SLC15A1: variants seen among roughly 807,000 people sequenced by gnomAD.
The protein encoded by SLC15A1 is Caco-2 oligopeptide transporter.
Under a neutral mutation model 92.9 loss-of-function variants are expected in SLC15A1, and 83 were observed. The observed-to-expected ratio is 0.89, with a 90% confidence interval of 0.75 to 1.07. SLC15A1 has a LOEUF of 1.07. Ranked by LOEUF, SLC15A1 falls within the 50% of genes least tolerant of loss-of-function variation. The pLI, the probability that SLC15A1 is intolerant of heterozygous loss-of-function variation, is 0.00. For missense variants in SLC15A1, 857 were observed against 880.1 expected, an observed-to-expected ratio of 0.97 and a Z score of 0.33; for synonymous variants, 322 against 318.2, an observed-to-expected ratio of 1.01 and a Z score of -0.13.
intron 1 of SLC15A1, among the ~76,000 whole-genome samples, chr13:98,727,582 G>A (rs2088312488): frequency 6.6e-6 from 1 of 152,190 alleles, no homozygotes; most frequent in Non-Finnish European, 1.5e-5. Flanking sequence ...GGGAGCTGGT[G>A]CACGTCAAGT....
At chr13:98,689,066 C>G (rs1201752016) in intron 18 of SLC15A1, among the ~76,000 whole-genome samples, 1 of 152,100 alleles carries the variant, frequency 6.6e-6, no homozygotes, top group African/African-American at 2.4e-5. Context: ...CAGCCTCCCG[C>G]GTAGTTGGGA....
At chr13:98,739,438 C>G (rs1706708519) in intron 1 of SLC15A1, among the ~76,000 whole-genome samples, 1 of 152,154 alleles carries the variant, frequency 6.6e-6, no homozygotes, top group Admixed American at 6.5e-5. Flanking sequence ...GGAGGTGGGA[C>G]CTGGGGGAGG....
intron 18 of SLC15A1, among the ~76,000 whole-genome samples, chr13:98,695,111 A>G (rs1374723079): frequency 6.6e-6 from 1 of 152,194 alleles, no homozygotes; most frequent in African/African-American, 2.4e-5. Context: ...AACATTGCAG[A>G]ATGACATGCA....
At chr13:98,701,503 A>G (rs1183373462) in intron 18 of SLC15A1, among the ~76,000 whole-genome samples, 2 of 151,206 alleles carry the variant, frequency 1.3e-5, no homozygotes, top group Non-Finnish European at 2.9e-5. Context: ...TTATATATAT[A>G]TATTGATTTA....
chr13:98,729,004 A>C (rs1555324592), intron 1 of SLC15A1, among the ~76,000 whole-genome samples: 4 of 141,028 alleles, frequency 2.8e-5, no homozygotes, highest in East Asian at 2.0e-4. Context: ...AAAAAAAAAA[A>C]AACAACAAGC....
chr13:98,742,151 C>T (rs1367732563), intron 1 of SLC15A1, among the ~76,000 whole-genome samples: 3 of 152,226 alleles, frequency 2.0e-5, no homozygotes, highest in Non-Finnish European at 4.4e-5. Flanking sequence ...CTCCACCTCC[C>T]TCAGGACCCC....
At chr13:98,703,747 G>A (rs2088089577) in intron 17 of SLC15A1, among the ~76,000 whole-genome samples, 1 of 151,712 alleles carries the variant, frequency 6.6e-6, no homozygotes, top group South Asian at 2.1e-4. Context: ...TGTAGAGACA[G>A]GGGTCTCACT....
At chr13:98,708,631 A>G in intron 15 of SLC15A1, 55 bp downstream of exon 15, 1 of 1,464,458 alleles carries the variant, frequency 6.8e-7, no homozygotes, top group South Asian at 1.2e-5. Context: ...AAGATTCTGA[A>G]CGCTCCACCT....
At chr13:98,719,072 CCTA>C (rs1199991626) in intron 8 of SLC15A1, among the ~76,000 whole-genome samples, 162 bp downstream of exon 8, 1 of 152,192 alleles carries the variant, frequency 6.6e-6, no homozygotes, top group Non-Finnish European at 1.5e-5. Flanking sequence ...ATGTGCCAAT[CCTA>C]CTTTCTTTGA....
intron 18 of SLC15A1, among the ~76,000 whole-genome samples, chr13:98,694,270 C>T (rs1360256538): frequency 6.6e-6 from 1 of 152,100 alleles, no homozygotes; most frequent in East Asian, 1.9e-4. Context: ...CAGACCTTTG[C>T]ATAGCTGTTT....
chr13:98,687,625 C>T lies in SLC15A1; in HGVS notation c.1783G>A (p.Glu595Lys), dbSNP rs780275601. 36 of 1,614,024 alleles carry T rather than the reference C, an allele frequency of 2.2e-5. No homozygotes were observed. The highest frequency in any genetic ancestry group is 7.7e-5 in the South Asian group (7 of 91,084). Residue 595 changes from glutamate (E) to lysine (K), a missense_variant, in exon 21 of 23, where the codon GAA becomes AAA. Physicochemically the swap from Glu to Lys is moderately conservative, Grantham distance 56 (BLOSUM62 1). Transcript: ENST00000376503. ...AATCCCGTGACAGAGAAGACCACTT[C>T]GCCACAGGTGAGAAGAAAATACTGC... ...IPQYFLLTCGEVVFSVTGLEF... is the reference protein window; with the variant it reads ...IPQYFLLTCGKVVFSVTGLEF...
intron 15 of SLC15A1, among the ~76,000 whole-genome samples, chr13:98,707,082 T>C (rs1185921641): frequency 6.6e-6 from 1 of 152,214 alleles, no homozygotes; most frequent in East Asian, 1.9e-4. Flanking sequence ...AGAGTTTTTG[T>C]CTTTTTTCTA....
At chr13:98,733,667 C>T (rs1249768289) in intron 1 of SLC15A1, among the ~76,000 whole-genome samples, 2 of 152,186 alleles carry the variant, frequency 1.3e-5, no homozygotes, top group Non-Finnish European at 2.9e-5. Flanking sequence ...TCAGTATTGC[C>T]CCTGCATCTA....
chr13:98,691,026 A>T (rs2087970819), intron 18 of SLC15A1, among the ~76,000 whole-genome samples: 1 of 151,934 alleles, frequency 6.6e-6, no homozygotes, highest in African/African-American at 2.4e-5. Context: ...ATATCGTGGC[A>T]TGTATCCGTA....
At chr13:98,734,233 G>A (rs1251485566) in intron 1 of SLC15A1, among the ~76,000 whole-genome samples, 1 of 152,158 alleles carries the variant, frequency 6.6e-6, no homozygotes, top group Non-Finnish European at 1.5e-5. Flanking sequence ...CCAAAGTGCT[G>A]GGATTATAGG....
At chr13:98,737,469 G>T (rs2088404098) in intron 1 of SLC15A1, among the ~76,000 whole-genome samples, 1 of 152,188 alleles carries the variant, frequency 6.6e-6, no homozygotes, top group Non-Finnish European at 1.5e-5. Flanking sequence ...TTGTGAATAT[G>T]TGAACACTAG....
At chr13:98,686,348 A>G (rs370989093) in intron 21 of SLC15A1, 51 bp from the exon 22 acceptor site, 2 of 1,270,574 alleles carry the variant, frequency 1.6e-6, no homozygotes, top group African/African-American at 2.9e-5. Context: ...CCCTCCGAGC[A>G]GGAGAACACA....
At chr13:98,730,512 A>T (rs925072266) in intron 1 of SLC15A1, among the ~76,000 whole-genome samples, 2 of 152,218 alleles carry the variant, frequency 1.3e-5, no homozygotes, top group African/African-American at 4.8e-5. Flanking sequence ...CCATGGAGTC[A>T]GCCCTGCGGC....
rs572818618 is a variant in SLC15A1, at chr13:98,695,157, G to A, written c.1467-6580C>T. ...TCACTTTCCTATTTAGTGTAAAAAT[G>A]TGCTTAACAACGTGTTGTTTATAGA... On this transcript the variant is annotated intron_variant, in intron 18 of 22. Coordinates refer to ENST00000376503, the MANE Select transcript of SLC15A1 (RefSeq NM_005073.4). 2.6e-5 allele frequency among the ~76,000 whole-genome samples: 4 copies of A among 152,068 alleles called. No homozygotes were observed. The South Asian group carries it at 8.3e-4, about 32-fold the overall frequency.
Sources: allele counts gnomAD v4.1 joint callset (sites outside exome capture counted in the v4.1 genomes callset), GRCh38; gene constraint gnomAD v4.1.1; transcripts MANE v1.5; gene names NCBI Gene and HGNC (gene_info 2026-07-23, HGNC 2026-07-21).